Variants in ABLIM1 observed in about 807,000 individuals in gnomAD.
The protein encoded by ABLIM1 is actin-binding LIM protein 1.
A neutral mutation model predicts 107.0 loss-of-function variants in ABLIM1; 40 were observed. The observed-to-expected ratio is 0.37, with a 90% CI of 0.29 to 0.49. The LOEUF (loss-of-function observed/expected upper bound fraction) is 0.49, where lower values mean the gene tolerates loss of function less well. Among genes scored for constraint, ABLIM1 ranks in the 20% least tolerant of loss-of-function variants. The pLI, the probability that ABLIM1 is intolerant of heterozygous loss-of-function variation, is 0.97. For missense variants in ABLIM1, 857 were observed against 1,008.5 expected (o/e 0.85, Z 2.04); for synonymous variants, 357 against 357.3 (o/e 1.00, Z 0.01).
chr10:114,767,353 C>G (rs1312620916), intron 1 of ABLIM1, among the ~76,000 whole-genome samples: 1 of 152,172 alleles, frequency 6.6e-6, no homozygotes, highest in East Asian at 1.9e-4. Flanking sequence ...TTTAATTGCT[C>G]GCAAGCTGCA....
At chr10:114,451,572 A>G (rs1016931868) in intron 14 of ABLIM1, 52 bp downstream of exon 14, 19 of 1,516,886 alleles carry the variant, frequency 1.3e-5, no homozygotes, top group African/African-American at 2.7e-5. Context: ...AGCAAGGAGA[A>G]GTTCAGCTGA....
intron 1 of ABLIM1, among the ~76,000 whole-genome samples, chr10:114,713,402 T>C (rs901752608): frequency 1.3e-5 from 2 of 152,176 alleles, no homozygotes; most frequent in African/African-American, 2.4e-5. Context: ...AGCATAGTTT[T>C]TAAGTTCACA....
Position 114,745,487 on chromosome 10 carries a change from GGAGGCAGAGGCCCCAGT to G in ABLIM1, c.-213+22557_-213+22573del, listed in dbSNP as rs1438387884. 3.3e-5 allele frequency among the ~76,000 whole-genome samples: 5 copies of G among 152,312 alleles called. No homozygotes were observed. In the East Asian group the frequency reaches 9.6e-4, roughly 29 times the overall value. On this transcript the variant is annotated intron_variant, in intron 1 of 15. Transcript: ENST00000651092. ...GAGGCAGGATAATCGCTGGAACCTGGGAGGCAGAGGCCCCAGTGAGCCAAGATCACGCCACTGGCATT... is the reference window on the plus strand; with the variant it reads ...GAGGCAGGATAATCGCTGGAACCTGGGAGCCAAGATCACGCCACTGGCATT...
In ABLIM1 at chr10:114,445,327, T is replaced by C; in HGVS notation, c.1812A>G (p.Glu604=). The change falls in exon 16 of 23, where the codon GAA becomes GAG. Residue 604 remains glutamate (E), a synonymous_variant. Transcript: ENST00000533213. ...AAGGACAAACCTTCATTAATTGCTC[T>C]TCTTGAAGCTGCCGACGTCTCAGAA... ...EELLRRRQLQ[E]EQLMKLNSGL... is the part of the protein sequence containing the mutation. 6.2e-7 allele frequency: 1 copy of C among 1,614,164 alleles called. No homozygotes were observed. The highest frequency in any genetic ancestry group is 1.1e-5 in the South Asian group (1 of 91,084).
intron 1 of ABLIM1, among the ~76,000 whole-genome samples, chr10:114,721,883 G>A (rs764578139): frequency 5.3e-5 from 8 of 152,020 alleles, no homozygotes; most frequent in Non-Finnish European, 2.9e-5. Context: ...CTTTTTTTGG[G>A]CACCAGTGGG....
intron 1 of ABLIM1, among the ~76,000 whole-genome samples, chr10:114,729,293 C>T (rs1484466762): frequency 6.6e-6 from 1 of 152,228 alleles, no homozygotes; most frequent in Middle Eastern, 3.4e-3. Flanking sequence ...AGCTCCAAAA[C>T]ATGCTGGCCC....
At chr10:114,781,686 AT>A in the ABLIM1 span, among the ~76,000 whole-genome samples, 2 of 140,612 alleles carry the variant, frequency 1.4e-5, no homozygotes, top group African/African-American at 2.7e-5. Flanking sequence ...ATATATATAT[AT>A]AATTAATGCA....
At chr10:114,764,255 A>G (rs1225844890) in intron 1 of ABLIM1, among the ~76,000 whole-genome samples, 2 of 152,244 alleles carry the variant, frequency 1.3e-5, no homozygotes, top group African/African-American at 2.4e-5. Context: ...AGCTTGCTCT[A>G]TCATAAAATT....
At chr10:114,464,198 T>C (rs558960838) in intron 12 of ABLIM1, among the ~76,000 whole-genome samples, 2 of 151,352 alleles carry the variant, frequency 1.3e-5, no homozygotes, top group Admixed American at 6.6e-5. Context: ...TTTTTTTTTT[T>C]TTTTTGAGAT....
chr10:114,613,979 G>A (rs374261028), intron 1 of ABLIM1, among the ~76,000 whole-genome samples: 1 of 152,078 alleles, frequency 6.6e-6, no homozygotes, highest in African/African-American at 2.4e-5. Flanking sequence ...CCTTCAGAAT[G>A]GCCTCTGCTT....
At chr10:114,690,747 T>G (rs1362650061) in intron 1 of ABLIM1, 1 of 331,208 alleles carries the variant, frequency 3.0e-6, no homozygotes, top group African/African-American at 2.1e-5. Context: ...AGTGGTGCGA[T>G]CTCAGCTCCC....
chr10:114,503,049 A>G (rs1349928147), intron 6 of ABLIM1, among the ~76,000 whole-genome samples: 2 of 152,192 alleles, frequency 1.3e-5, no homozygotes, highest in Admixed American at 6.5e-5. Flanking sequence ...TGTGAGAATT[A>G]TCCATGTTAG....
chr10:114,531,924 C>T (rs943624288), intron 6 of ABLIM1, among the ~76,000 whole-genome samples: 2 of 152,136 alleles, frequency 1.3e-5, no homozygotes, highest in East Asian at 1.9e-4. Flanking sequence ...CAGCAATTCT[C>T]GTGTCTCAGC....
At chr10:114,484,018 C>T (rs923797772) in intron 8 of ABLIM1, among the ~76,000 whole-genome samples, 3 of 152,192 alleles carry the variant, frequency 2.0e-5, no homozygotes, top group African/African-American at 7.2e-5. Flanking sequence ...GCAGGTGGTG[C>T]GTCTCTCTTC....
chr10:114,650,006 C>G (rs1007839668), intron 1 of ABLIM1, among the ~76,000 whole-genome samples: 3 of 152,156 alleles, frequency 2.0e-5, no homozygotes, highest in African/African-American at 2.4e-5. Flanking sequence ...CAGGCGCCCA[C>G]CACCATGCCA....
intron 8 of ABLIM1, among the ~76,000 whole-genome samples, chr10:114,477,126 C>T (rs894334876): frequency 1.3e-5 from 2 of 152,124 alleles, no homozygotes; most frequent in South Asian, 4.1e-4. Context: ...AGGTCCACAG[C>T]CCAAGCATTT....
chr10:114,678,992 G>A (rs1296686579), intron 1 of ABLIM1, among the ~76,000 whole-genome samples: 2 of 152,084 alleles, frequency 1.3e-5, no homozygotes, highest in Admixed American at 6.6e-5. Context: ...CCTTTGCCAT[G>A]TAACTTTGAA....
intron 6 of ABLIM1, among the ~76,000 whole-genome samples, chr10:114,531,942 G>A (rs2136998354): frequency 6.6e-6 from 1 of 152,284 alleles, no homozygotes; most frequent in East Asian, 1.9e-4. Context: ...AGCCTCCTGA[G>A]TAGCTAGGAT....
intron 1 of ABLIM1, among the ~76,000 whole-genome samples, chr10:114,696,544 C>CA: frequency 6.6e-6 from 1 of 151,682 alleles, no homozygotes; most frequent in Admixed American, 6.6e-5. Context: ...GGGAGGGACA[C>CA]AGTGGGAAAT....
Sources: gnomAD v4.1 joint callset for allele counts (sites outside exome capture counted in the v4.1 genomes callset) on GRCh38, gnomAD v4.1.1 for gene constraint, MANE v1.5 for transcripts, NCBI Gene and HGNC (gene_info 2026-07-23, HGNC 2026-07-21) for gene names.